The following CSNK2A2 variants were observed in gnomAD, a reference collection of about 807,000 sequenced individuals.
The protein encoded by CSNK2A2 is casein kinase 2 alpha 2.
In CSNK2A2, 8 loss-of-function variants were observed where a neutral mutation model predicts 54.0. The ratio of observed to expected loss-of-function variants is 0.15; its 90% CI spans 0.09 to 0.27. The LOEUF is 0.27. Ranked by LOEUF, CSNK2A2 falls within the 10% of genes least tolerant of loss-of-function variation. The pLI is 1.00. For synonymous variants in CSNK2A2, 141 were observed against 153.9 expected (o/e 0.92, Z 0.62); for missense variants, 242 against 439.4 (o/e 0.55, Z 4.02).
At chr16:58,171,666 T>C (rs1220550683) in intron 5 of CSNK2A2, among the ~76,000 whole-genome samples, 3 of 151,970 alleles carry the variant, frequency 2.0e-5, no homozygotes, top group African/African-American at 7.2e-5. Context: ...CCCTGTCCAA[T>C]AGGACCTTCT....
chr16:58,175,068 C>T (rs1320903148), intron 4 of CSNK2A2, among the ~76,000 whole-genome samples: 1 of 152,262 alleles, frequency 6.6e-6, no homozygotes, highest in Non-Finnish European at 1.5e-5. Context: ...CTCTGCTCCC[C>T]GGAAACCAAT....
chr16:58,174,382 G>C, intron 5 of CSNK2A2, 69 bp downstream of exon 5: 1 of 1,114,794 alleles, frequency 9.0e-7, no homozygotes, highest in Non-Finnish European at 1.3e-6. Context: ...AGTTCTCTTT[G>C]TTCTCTCAAA....
At chr16:58,164,214 C>T (rs1961493629) in intron 10 of CSNK2A2, 67 bp from the exon 11 acceptor site, 2 of 1,447,982 alleles carry the variant, frequency 1.4e-6, no homozygotes, top group Non-Finnish European at 9.7e-7. Context: ...CCATGGCAAA[C>T]CCACCCTTTC....
chr16:58,159,159 G>A (rs1961246979), intron 11 of CSNK2A2: 1 of 152,250 alleles, frequency 6.6e-6, no homozygotes, highest in Admixed American at 6.5e-5. Context: ...AAACACTTCA[G>A]CTGATTCCAA....
In CSNK2A2 at chr16:58,170,495, C is replaced by T. The variant is rs116970213; in HGVS notation, c.430-1802G>A. The stretch of plus-strand genomic sequence containing the variant: ...GCTTTCATTTCCCTTGGGTAGATTC[C>T]TAGGGGTGGAAGTGCTGGGTTGTAT... On this transcript the variant is annotated intron_variant, in intron 5 of 11. Coordinates refer to ENST00000262506, the MANE Select transcript of CSNK2A2 (RefSeq NM_001896.4). 5.3e-5 allele frequency among the ~76,000 whole-genome samples: 8 copies of T among 152,050 alleles called. No individual in the cohort carries two copies. The East Asian group carries it at 1.5e-3, about 29-fold the overall frequency.
intron 5 of CSNK2A2, among the ~76,000 whole-genome samples, chr16:58,171,410 C>A (rs1961732206): frequency 6.6e-6 from 1 of 152,030 alleles, no homozygotes; most frequent in Non-Finnish European, 1.5e-5. Context: ...GTAATCCCAA[C>A]TACTCAGGAG....
intron 5 of CSNK2A2, 50 bp from the exon 6 acceptor site, chr16:58,168,743 C>T: frequency 2.2e-6 from 3 of 1,387,118 alleles, no homozygotes; most frequent in Non-Finnish European, 3.1e-6. Flanking sequence ...TCTACCATCC[C>T]CCAACGCAAG....
intron 2 of CSNK2A2, 96 bp downstream of exon 2, chr16:58,196,637 A>AG: frequency 1.3e-6 from 1 of 797,952 alleles, no homozygotes; most frequent in South Asian, 1.4e-5. Flanking sequence ...ATTAAATTCA[A>AG]GCTTGCATTG....
rs1261137669 is a variant in CSNK2A2 at position 58,171,979 on chromosome 16, A to ATATATATATATATATT, written c.429+2471_429+2472insAATATATATATATATA. On this transcript the variant is annotated intron_variant, in intron 5 of 11. Coordinates refer to ENST00000262506, the MANE Select transcript of CSNK2A2 (RefSeq NM_001896.4). ...CATGCATATATATATATATATATAT[A>ATATATATATATATATT]TTTTTTTTTTTTTTTTTTTTTTGGT... 1.2e-4 allele frequency among the ~76,000 whole-genome samples: 8 copies of ATATATATATATATATT among 66,178 alleles called. No homozygotes were observed. The East Asian group carries it at 1.5e-3, about 13-fold the overall frequency. 43.4% of individuals were successfully genotyped at this position (66,178 alleles called of 152,430 possible). A position where few individuals can be genotyped will look rare whatever the true frequency, so the allele number is the denominator to read the frequency against.
intron 2 of CSNK2A2, among the ~76,000 whole-genome samples, chr16:58,194,892 G>A (rs1962395107): frequency 6.6e-6 from 1 of 151,324 alleles, no homozygotes; most frequent in African/African-American, 2.4e-5. Context: ...GAACATGCTG[G>A]TATTTATACA....
chr16:58,187,838 G>A, intron 2 of CSNK2A2, among the ~76,000 whole-genome samples: 1 of 152,236 alleles, frequency 6.6e-6, no homozygotes, highest in East Asian at 1.9e-4. Context: ...AGGAATCAAA[G>A]CTGGAAGCTG....
At chr16:58,177,654 T>C (rs1372320969) in intron 4 of CSNK2A2, among the ~76,000 whole-genome samples, 1 of 152,244 alleles carries the variant, frequency 6.6e-6, no homozygotes, top group Non-Finnish European at 1.5e-5. Flanking sequence ...CAGGCAGCTC[T>C]GGTCACCTGC....
chr16:58,165,530 A>C, intron 10 of CSNK2A2, 30 bp downstream of exon 10: 1 of 1,569,802 alleles, frequency 6.4e-7, no homozygotes, highest in South Asian at 1.2e-5. Context: ...TGACTGAATT[A>C]CTCCCTGAAC....
At chr16:58,171,421 G>C (rs188661987) in intron 5 of CSNK2A2, among the ~76,000 whole-genome samples, 139 of 152,140 alleles carry the variant, frequency 9.1e-4, no homozygotes, top group African/African-American at 3.1e-3. Context: ...TACTCAGGAG[G>C]CCGAGGCGGG....
chr16:58,167,660 A>C (rs1304918783), intron 7 of CSNK2A2, 25 bp downstream of exon 7: 1 of 1,554,194 alleles, frequency 6.4e-7, no homozygotes, highest in African/African-American at 1.4e-5. Context: ...TAAATAACCC[A>C]GAATAGCTCT....
chr16:58,188,791 G>GGTGTGTGTATATGTACACAAAT (rs1379883181), intron 2 of CSNK2A2, among the ~76,000 whole-genome samples: 1 of 152,078 alleles, frequency 6.6e-6, no homozygotes. Flanking sequence ...TCATTATATA[G>GGTGTGTGTATATGTACACAAAT]GTGTGTGTAT....
At chr16:58,188,313 C>G (rs1429295559) in intron 2 of CSNK2A2, among the ~76,000 whole-genome samples, 1 of 152,218 alleles carries the variant, frequency 6.6e-6, no homozygotes, top group Non-Finnish European at 1.5e-5. Flanking sequence ...TGTGCATGTT[C>G]CCCGACTCCA....
At chr16:58,160,738 C>G (rs1260016782) in intron 11 of CSNK2A2, 1 of 152,260 alleles carries the variant, frequency 6.6e-6, no homozygotes, top group Non-Finnish European at 1.5e-5. Context: ...CAAGAGCTAC[C>G]TTTAGATGGA....
In CSNK2A2 at chr16:58,197,586, C is replaced by CG; in HGVS notation, c.104+46dup. ...GTGCGGTTCGCAGGGGGTGGCCGGG[C>CG]GGGGGCAGGGATCAGCGGGCCCGGC... On this transcript the variant is annotated intron_variant, in intron 1 of 11. Coordinates refer to ENST00000262506, the MANE Select transcript of CSNK2A2 (RefSeq NM_001896.4). The surrounding 1 kb of genome is among the most constrained non-coding windows in gnomAD (Gnocchi z 4.0). 7.4e-7 allele frequency: 1 copy of CG among 1,345,244 alleles called. No homozygotes were observed. The highest frequency in any genetic ancestry group is 1.0e-6 in the Non-Finnish European group (1 of 987,792). The allele number at this position is 1,345,244 out of a possible 1,614,324, so 83.3% of individuals were successfully genotyped here.
Sources: allele counts gnomAD v4.1 joint callset (sites outside exome capture counted in the v4.1 genomes callset), GRCh38; gene constraint gnomAD v4.1.1; non-coding constraint Gnocchi (gnomAD v3.1); transcripts MANE v1.5; gene names NCBI Gene and HGNC (gene_info 2026-07-23, HGNC 2026-07-21).